SPTAN1: variants seen among roughly 807,000 people sequenced by gnomAD.
SPTAN1 encodes spectrin alpha chain, non-erythrocytic 1.
Under a neutral mutation model 331.3 loss-of-function variants are expected in SPTAN1, and 61 were observed. The observed-to-expected ratio is 0.18, with a 90% confidence interval of 0.15 to 0.23. The LOEUF (loss-of-function observed/expected upper bound fraction) is 0.23, where lower values mean the gene tolerates loss of function less well. SPTAN1 is among the 10% of genes least tolerant of loss of function. SPTAN1 has a pLI of 1.00. For synonymous variants in SPTAN1, 1,153 were observed against 1,173.9 expected (o/e 0.98, Z 0.36); for missense variants, 2,043 against 3,147.9 (o/e 0.65, Z 8.40).
intron 1 of SPTAN1, among the ~76,000 whole-genome samples, chr9:128,559,969 A>G (rs1286389027): frequency 6.6e-6 from 1 of 151,986 alleles, no homozygotes; most frequent in Non-Finnish European, 1.5e-5. Context: ...TCCTGACCTC[A>G]GGTGATCCAC....
chr9:128,624,365 A>C lies in SPTAN1; in HGVS notation c.5870A>C (p.Lys1957Thr). Residue 1957 changes from lysine (K) to threonine (T), a missense_variant, in exon 46 of 57, where the codon AAG becomes ACG. By Grantham distance (78) the Lys-to-Thr change is moderately conservative. This residue lies in a region of SPTAN1 where 323 missense variants were observed against 581.1 expected (regional missense o/e 0.56). Transcript: ENST00000372739. ...GAGGAGAACATCTCTTCAAAGATGA[A>C]GGGCCTGAACGGGAAAGTGTCAGAC... ...HHEENISSKMKGLNGKVSDLE... is the reference protein window; with the variant it reads ...HHEENISSKMTGLNGKVSDLE... The C allele has an allele frequency of 6.2e-7, 1 of 1,614,002 alleles. No homozygotes were observed. Among genetic ancestry groups the C allele is most frequent in the South Asian group, 1.1e-5 (1 of 91,078 alleles).
intron 45 of SPTAN1, among the ~76,000 whole-genome samples, chr9:128,622,738 T>C (rs529846719): frequency 4.2e-5 from 6 of 141,226 alleles, no homozygotes; most frequent in South Asian, 4.4e-4. Context: ...TGTAGTATGG[T>C]TTATTTATTT....
In SPTAN1 at chr9:128,625,903, G is replaced by A; in HGVS notation, c.6204G>A (p.Lys2068=). Residue 2068 remains lysine (K), a synonymous_variant, in exon 48 of 57, where the codon AAG becomes AAA. Transcript: ENST00000372739. The surrounding 1 kb of genome is among the most constrained non-coding windows in gnomAD (Gnocchi z 4.1). ...AIEARHASLM[K]RWSQLLANSA... is the part of the protein sequence containing the mutation. Reference sequence around the variant, plus strand: ...AGGCCCGGCACGCCTCCCTCATGAAGAGGTGGAGCCAGCTTCTGGCCAACT... The same window carrying A: ...AGGCCCGGCACGCCTCCCTCATGAAAAGGTGGAGCCAGCTTCTGGCCAACT... 1 of 1,614,216 alleles carries A rather than the reference G, an allele frequency of 6.2e-7. No individual in the cohort carries two copies. Among genetic ancestry groups the A allele is most frequent in the Non-Finnish European group, 8.5e-7 (1 of 1,180,044 alleles).
At chr9:128,622,488 G>A (rs548108686) in intron 45 of SPTAN1, among the ~76,000 whole-genome samples, 23 of 151,476 alleles carry the variant, frequency 1.5e-4, no homozygotes, top group Non-Finnish European at 2.9e-4. Flanking sequence ...TAGTAGAGAT[G>A]GGGTTTCTCC....
At chr9:128,567,649 C>T (rs752387544) in intron 2 of SPTAN1, among the ~76,000 whole-genome samples, 7 of 152,136 alleles carry the variant, frequency 4.6e-5, no homozygotes, top group African/African-American at 1.4e-4. Context: ...TATAGTTATT[C>T]TGGAGTCAGA....
chr9:128,563,283 G>A (rs1849629304), intron 1 of SPTAN1, among the ~76,000 whole-genome samples: 1 of 151,824 alleles, frequency 6.6e-6, no homozygotes, highest in Non-Finnish European at 1.5e-5. Flanking sequence ...AGGTGTGCTG[G>A]CACCTGCCTG....
intron 34 of SPTAN1, 152 bp downstream of exon 34, chr9:128,608,428 T>C: frequency 9.4e-7 from 1 of 1,059,854 alleles, no homozygotes; most frequent in Admixed American, 2.8e-5. Flanking sequence ...TTATAGATTC[T>C]GGTATTTCTG....
chr9:128,581,153 G>T, intron 11 of SPTAN1, 94 bp downstream of exon 11: 1 of 1,542,496 alleles, frequency 6.5e-7, no homozygotes, highest in Non-Finnish European at 8.8e-7. Flanking sequence ...TAGGACATCA[G>T]TACCATGTTA....
intron 45 of SPTAN1, 38 bp downstream of exon 45, chr9:128,621,294 T>G: frequency 6.4e-7 from 1 of 1,572,152 alleles, no homozygotes; most frequent in Non-Finnish European, 8.7e-7. Context: ...CATCGCCCAC[T>G]GGGACACCCA....
chr9:128,606,906 TGG>T (rs1285183070), intron 31 of SPTAN1, among the ~76,000 whole-genome samples: 1 of 152,224 alleles, frequency 6.6e-6, no homozygotes, highest in Non-Finnish European at 1.5e-5. Flanking sequence ...TCTCTAGTTT[TGG>T]AACATTTTCA....
chr9:128,584,607 G>T, intron 17 of SPTAN1, 82 bp downstream of exon 17: 1 of 1,613,896 alleles, frequency 6.2e-7, no homozygotes, highest in Non-Finnish European at 8.5e-7. Context: ...GTCAGGATGG[G>T]CAGGGTCGAA....
In SPTAN1 at chr9:128,598,457, G is replaced by A. The variant is rs1379161622; in HGVS notation, c.3472G>A (p.Glu1158Lys). The A allele has an allele frequency of 6.2e-7, 1 of 1,613,354 alleles. No homozygotes were observed. The highest frequency in any genetic ancestry group is 2.2e-5 in the East Asian group (1 of 44,878). Reference sequence around the variant, plus strand: ...CATTAACAAGGTAGCTGAAGACCTGGAGTCTGAAGGTCTCATGGCAGAGGA... The same window carrying A: ...CATTAACAAGGTAGCTGAAGACCTGAAGTCTGAAGGTCTCATGGCAGAGGA... ...KDINKVAEDL[E>K]SEGLMAEEVQ... is the part of the protein sequence containing the mutation. Residue 1158 changes from glutamate to lysine, a missense_variant, in exon 25 of 57, where the codon GAG becomes AAG. Physicochemically the swap from Glu to Lys is moderately conservative, Grantham distance 56. Transcript: ENST00000372739.
At chr9:128,612,772 A>G (rs1856712789) in intron 39 of SPTAN1, among the ~76,000 whole-genome samples, 1 of 152,054 alleles carries the variant, frequency 6.6e-6, no homozygotes, top group Admixed American at 6.6e-5. Flanking sequence ...CTAAAAATAC[A>G]AAAATTAGCC....
At chr9:128,571,937 A>G (rs995456231) in intron 3 of SPTAN1, among the ~76,000 whole-genome samples, 2 of 151,906 alleles carry the variant, frequency 1.3e-5, no homozygotes, top group African/African-American at 2.4e-5. Context: ...GCTAACTGCA[A>G]CCTCCTTCCA....
chr9:128,618,204 G>C, intron 43 of SPTAN1, 96 bp downstream of exon 43: 2 of 1,563,060 alleles, frequency 1.3e-6, no homozygotes, highest in Non-Finnish European at 1.7e-6. Context: ...CCCTCCTACT[G>C]TCTCCTGGAC....
At position 128,611,960 on chromosome 9, in the gene SPTAN1, T is replaced by G; in HGVS notation, c.4905+115T>G. 5.0e-6 allele frequency: 8 copies of G among 1,601,864 alleles called. No homozygotes were observed. In the South Asian group the frequency reaches 8.8e-5, roughly 18 times the overall value. On this transcript the variant is annotated intron_variant, in intron 38 of 56. Coordinates refer to ENST00000372739, the MANE Select transcript of SPTAN1 (RefSeq NM_001130438.3). ...ACACTAAATGGATTATAGAAGACTT[T>G]AGGCTGAATTACAGATGGGGAATGC...
chr9:128,616,174 G>A (rs1469103959), intron 41 of SPTAN1, among the ~76,000 whole-genome samples: 2 of 151,640 alleles, frequency 1.3e-5, no homozygotes, highest in Non-Finnish European at 2.9e-5. Context: ...ATCTGTCCCC[G>A]AAAATGTCAG....
chr9:128,633,448 A>G lies in SPTAN1; in HGVS notation c.*114A>G, dbSNP rs990315151. ...TAACCTTAAGCCTGCTTAGCTTGGA[A>G]TAAGACTTAGGAGAAAATGGTGCTT... On this transcript the variant is annotated 3_prime_UTR_variant, in exon 57 of 57. Transcript: ENST00000372739. 4 of 1,557,202 alleles carry G rather than the reference A, an allele frequency of 2.6e-6. No individual in the cohort carries two copies. Among genetic ancestry groups the G allele is most frequent in the East Asian group, 2.2e-5 (1 of 44,620 alleles).
chr9:128,583,295 C>T lies in SPTAN1; in HGVS notation c.2011+14C>T, dbSNP rs1424057222. The stretch of plus-strand genomic sequence containing the variant: ...CTGAACTGAAAGGTAAGAGATGTTC[C>T]ATTGAATTGTGACATGCATGTTTGG... On this transcript the variant is annotated intron_variant, in intron 15 of 56. Coordinates refer to ENST00000372739, the MANE Select transcript of SPTAN1 (RefSeq NM_001130438.3). The T allele has an allele frequency of 6.2e-7, 1 of 1,612,500 alleles. No homozygotes were observed. The highest frequency in any genetic ancestry group is 2.2e-5 in the East Asian group (1 of 44,876).
Sources: allele counts gnomAD v4.1 joint callset (sites outside exome capture counted in the v4.1 genomes callset), GRCh38; gene constraint gnomAD v4.1.1; regional missense constraint gnomAD v4.1.1; non-coding constraint Gnocchi (gnomAD v3.1); transcripts MANE v1.5; gene names NCBI Gene and HGNC (gene_info 2026-07-23, HGNC 2026-07-21).